The following HNRNPLL variants were observed in gnomAD, a reference collection of about 807,000 sequenced individuals.
HNRNPLL encodes heterogeneous nuclear ribonucleoprotein L like, also known as heterogeneous nuclear ribonucleoprotein L-like.
HNRNPLL carries 25 observed loss-of-function variants against 67.1 expected under a neutral mutation model. That is an observed-to-expected ratio of 0.37 (90% CI 0.27 to 0.52). The LOEUF is 0.52. HNRNPLL is among the 20% of genes least tolerant of loss of function. HNRNPLL has a pLI of 0.90. For missense variants in HNRNPLL, 542 were observed against 673.9 expected, an observed-to-expected ratio of 0.80 and a Z score of 2.17; for synonymous variants, 267 against 241.7, an observed-to-expected ratio of 1.10 and a Z score of -0.97.
intron 4 of HNRNPLL, among the ~76,000 whole-genome samples, chr2:38,582,910 CAT>C (rs532180364): frequency 3.4e-4 from 51 of 150,488 alleles, no homozygotes; most frequent in Admixed American, 1.3e-3. Flanking sequence ...CCAAAGAAAA[CAT>C]AATACAACCG....
At chr2:38,586,934 C>G (rs1223503492) in intron 2 of HNRNPLL, among the ~76,000 whole-genome samples, 1 of 151,920 alleles carries the variant, frequency 6.6e-6, no homozygotes, top group African/African-American at 2.4e-5. Context: ...TATTTTAATA[C>G]AGGAAATGAA....
intron 2 of HNRNPLL, among the ~76,000 whole-genome samples, chr2:38,588,106 C>T: frequency 6.6e-6 from 1 of 152,096 alleles, no homozygotes; most frequent in Non-Finnish European, 1.5e-5. Context: ...AACCGTGAGC[C>T]GATTAAACCT....
chr2:38,568,058 G>C (rs891410108), intron 12 of HNRNPLL, 141 bp downstream of exon 12: 8 of 593,024 alleles, frequency 1.3e-5, no homozygotes, highest in Non-Finnish European at 2.3e-5. Context: ...AACTAATACA[G>C]GAATTAATAT....
intron 12 of HNRNPLL, among the ~76,000 whole-genome samples, chr2:38,565,355 C>A (rs1418189796): frequency 6.6e-6 from 1 of 152,074 alleles, no homozygotes; most frequent in African/African-American, 2.4e-5. Flanking sequence ...AACTTTCTCT[C>A]AAAAATTAAG....
chr2:38,565,666 CTGCAGTGGGCTGTGAT>C (rs1242572613), intron 12 of HNRNPLL, among the ~76,000 whole-genome samples: 2 of 140,536 alleles, frequency 1.4e-5, no homozygotes, highest in African/African-American at 5.4e-5. Flanking sequence ...AAAGTCGAGG[CTGCAGTGGGCTGTGAT>C]TGCACCACTG....
At chr2:38,570,351 G>T (rs987960082) in intron 8 of HNRNPLL, among the ~76,000 whole-genome samples, 5 of 152,216 alleles carry the variant, frequency 3.3e-5, no homozygotes, top group Non-Finnish European at 5.9e-5. Context: ...AATGTTAACA[G>T]ACATTATCTT....
chr2:38,602,661 G>A lies in HNRNPLL; in HGVS notation c.-35C>T, dbSNP rs533605050. ...CGGAGGGACCGGCTGGCAGGCGGGT[G>A]GGGGTGGCGGTGGGGCGCGCGCCTC... is the stretch of plus-strand genomic sequence containing the variant. On this transcript the variant is annotated 5_prime_UTR_variant, in exon 1 of 13. Transcript: ENST00000449105. 28 of 1,462,502 alleles carry A rather than the reference G, an allele frequency of 1.9e-5. No individual in the cohort carries two copies. The East Asian group carries it at 7.3e-4, about 38-fold the overall frequency. 90.6% of individuals were successfully genotyped at this position (1,462,502 alleles called of 1,614,324 possible). A position where few individuals can be genotyped will look rare whatever the true frequency, so the allele number is the denominator to read the frequency against.
chr2:38,588,546 C>CAAAAAAAAAAAAAA lies in HNRNPLL; in HGVS notation c.309-2679_309-2666dup, dbSNP rs70954733. The stretch of plus-strand genomic sequence containing the variant: ...TGGGTGACAGAGTGAAACTCCATCT[C>CAAAAAAAAAAAAAA]AAAAAAAAAAAAAAAAAAAAAGGGT... On this transcript the variant is annotated intron_variant, in intron 2 of 12. Coordinates refer to ENST00000449105, the MANE Select transcript of HNRNPLL (RefSeq NM_138394.4). Among the ~76,000 whole-genome samples the CAAAAAAAAAAAAAA allele has an allele frequency of 2.8e-3, 142 of 50,992 alleles. 10 individuals carry two copies. The highest frequency in any genetic ancestry group is 7.2e-3 in the African/African-American group (131 of 18,172). The allele number at this position is 50,992 out of a possible 152,430, so 33.5% of individuals were successfully genotyped here. A position where few individuals can be genotyped will look rare whatever the true frequency, so the allele number is the denominator to read the frequency against.
Position 38,591,625 on chromosome 2 carries a change from T to C in HNRNPLL, c.213A>G (p.Lys71=), listed in dbSNP as rs754008849. 5.0e-6 allele frequency: 8 copies of C among 1,612,348 alleles called. No individual in the cohort carries two copies. Among genetic ancestry groups the C allele is most frequent in the Non-Finnish European group, 5.9e-6 (7 of 1,178,576 alleles). ...CATGGACGACGGGTGAAACAGAAACTTTATGATGACTTCCACCTGCCTCCT... is the reference window on the plus strand; with the variant it reads ...CATGGACGACGGGTGAAACAGAAACCTTATGATGACTTCCACCTGCCTCCT... ...SQPEAGGSHH[K]VSVSPVVHVR... is the part of the protein sequence containing the mutation. The change falls in exon 2 of 13, where the codon AAA becomes AAG. Residue 71 remains lysine, a synonymous_variant. Coordinates refer to ENST00000449105, the MANE Select transcript of HNRNPLL (RefSeq NM_138394.4).
chr2:38,577,572 C>G lies in HNRNPLL; in HGVS notation c.803-40G>C, dbSNP rs766521170. The G allele has an allele frequency of 3.1e-6, 4 of 1,293,730 alleles. No homozygotes were observed. The African/African-American group carries it at 5.8e-5, about 19-fold the overall frequency. The allele number at this position is 1,293,730 out of a possible 1,614,324, so 80.1% of individuals were successfully genotyped here. The stretch of plus-strand genomic sequence containing the variant: ...GAAACATGGTTTTAACAATTTTGAC[C>G]CAAGTACTTAATGGAGTTCTCAGAT... On this transcript the variant is annotated intron_variant, in intron 6 of 12. Coordinates refer to ENST00000449105, the MANE Select transcript of HNRNPLL (RefSeq NM_138394.4).
At position 38,564,156 on chromosome 2, in the gene HNRNPLL, A is replaced by T; in HGVS notation, c.*26T>A. On this transcript the variant is annotated 3_prime_UTR_variant, in exon 13 of 13. Transcript: ENST00000449105. ...CTTTGAAATTGTAATAAAGGTGAACATAAATTCTAACATGCTCTTCTCTTC... is the reference window on the plus strand; with the variant it reads ...CTTTGAAATTGTAATAAAGGTGAACTTAAATTCTAACATGCTCTTCTCTTC... The T allele has an allele frequency of 7.3e-7, 1 of 1,374,130 alleles. No individual in the cohort carries two copies. The highest frequency in any genetic ancestry group is 1.0e-6 in the Non-Finnish European group (1 of 964,948). 85.1% of individuals were successfully genotyped at this position (1,374,130 alleles called of 1,614,324 possible).
intron 8 of HNRNPLL, among the ~76,000 whole-genome samples, chr2:38,571,374 A>G (rs1332514010): frequency 6.6e-6 from 1 of 152,224 alleles, no homozygotes; most frequent in Non-Finnish European, 1.5e-5. Context: ...AAAACTGTGG[A>G]TAAGGGAGGA....
chr2:38,581,860 T>C (rs1161102408), intron 6 of HNRNPLL, 53 bp downstream of exon 6: 4 of 1,111,286 alleles, frequency 3.6e-6, no homozygotes, highest in East Asian at 2.3e-5. Flanking sequence ...TCTAACTGCA[T>C]ATAAAAATTT....
In HNRNPLL at chr2:38,602,602, T is replaced by C. The variant is rs370953081; in HGVS notation, c.25A>G (p.Arg9Gly). The change falls in exon 1 of 13, where the codon AGG becomes GGG. Residue 9 changes from arginine (R) to glycine (G), a missense_variant. Coordinates refer to ENST00000449105, the MANE Select transcript of HNRNPLL (RefSeq NM_138394.4). ...TCCCGGTCCTCCTCGTACGTCTCCC[T>C]GGGGGAGGAAGAGGAGGAGGACATG... MSSSSSSP[R>G]ETYEEDREYE... 86 of 1,543,194 alleles carry C rather than the reference T, an allele frequency of 5.6e-5. No individual in the cohort carries two copies. Among genetic ancestry groups the C allele is most frequent in the Middle Eastern group, 1.7e-4 (1 of 5,882 alleles).
At chr2:38,568,476 T>A in intron 10 of HNRNPLL, 33 bp from the exon 11 acceptor site, 14 of 1,414,546 alleles carry the variant, frequency 9.9e-6, no homozygotes, top group Non-Finnish European at 1.4e-5. Flanking sequence ...ATTAAAAATA[T>A]AGCCAAAATA....
At chr2:38,595,843 C>CA (rs34465282) in intron 1 of HNRNPLL, among the ~76,000 whole-genome samples, 1,990 of 148,810 alleles carry the variant, frequency 0.013, 25 homozygotes, top group South Asian at 0.068. Context: ...GACTCCGTCT[C>CA]AAAAAAAAAG....
In HNRNPLL at chr2:38,573,377, G is replaced by C; in HGVS notation, c.925C>G (p.Arg309Gly). The C allele has an allele frequency of 6.2e-7, 1 of 1,612,168 alleles. No individual in the cohort carries two copies. The highest frequency in any genetic ancestry group is 8.5e-7 in the Non-Finnish European group (1 of 1,179,028). The change falls in exon 8 of 13, where the codon CGA becomes GGA. Residue 309 changes from arginine to glycine, a missense_variant. By Grantham distance (125) the Arg-to-Gly change is moderately radical (BLOSUM62 -2). This residue lies in a region of HNRNPLL where 415 missense variants were observed against 575.2 expected (regional missense o/e 0.72). Coordinates refer to ENST00000449105, the MANE Select transcript of HNRNPLL (RefSeq NM_138394.4). ...TAAGCAACAAGTTCAGGTGTATCTC[G>C]AGAGCCCATTCTGTAACGACTTGGT... ...PLPSRYRMGS[R>G]DTPELVAYPL...
intron 6 of HNRNPLL, among the ~76,000 whole-genome samples, chr2:38,580,702 C>A (rs1412629656): frequency 6.6e-6 from 1 of 152,182 alleles, no homozygotes; most frequent in African/African-American, 2.4e-5. Flanking sequence ...AGAATTGCCA[C>A]ACAGTTAGTT....
chr2:38,574,791 G>A (rs1666235819), intron 7 of HNRNPLL, among the ~76,000 whole-genome samples: 2 of 151,628 alleles, frequency 1.3e-5, no homozygotes, highest in African/African-American at 4.8e-5. Context: ...ATTGGCAATT[G>A]GTAGTTTAAC....
Sources: allele counts gnomAD v4.1 joint callset (sites outside exome capture counted in the v4.1 genomes callset), GRCh38; gene constraint gnomAD v4.1.1; regional missense constraint gnomAD v4.1.1; transcripts MANE v1.5; gene names NCBI Gene and HGNC (gene_info 2026-07-23, HGNC 2026-07-21).